Variants in CSMD3 observed in about 807,000 individuals in gnomAD.
The protein encoded by CSMD3 is CUB and sushi domain-containing protein 3.
In CSMD3, 177 loss-of-function variants were observed where a neutral mutation model predicts 435.2. The ratio of observed to expected loss-of-function variants is 0.41; its 90% CI spans 0.36 to 0.46. CSMD3 has a LOEUF of 0.46. Ranked by LOEUF, CSMD3 falls within the 20% of genes least tolerant of loss-of-function variation. The pLI, the probability that CSMD3 is intolerant of heterozygous loss-of-function variation, is 0.34. For synonymous variants in CSMD3, 1,656 were observed against 1,520.5 expected (o/e 1.09, Z -2.07); for missense variants, 4,265 against 4,504.6 (o/e 0.95, Z 1.52).
intron 36 of CSMD3, 42 bp from the exon 37 acceptor site, chr8:112,383,705 C>T (rs2131256347): frequency 8.5e-7 from 1 of 1,173,516 alleles, no homozygotes; most frequent in Non-Finnish European, 1.3e-6. Context: ...CATTTCTAAC[C>T]AGATACACAT....
At chr8:112,701,320 T>C (rs1447201433) in intron 13 of CSMD3, among the ~76,000 whole-genome samples, 1 of 152,146 alleles carries the variant, frequency 6.6e-6, no homozygotes, top group African/African-American at 2.4e-5. Flanking sequence ...ACTATAATCA[T>C]TTTAACTCAT....
intron 11 of CSMD3, among the ~76,000 whole-genome samples, chr8:112,857,856 C>A (rs1277036741): frequency 6.6e-6 from 1 of 151,204 alleles, no homozygotes. Context: ...TCCTCAACAA[C>A]CAATAATTTG....
At chr8:113,021,600 G>T (rs190806255) in intron 5 of CSMD3, among the ~76,000 whole-genome samples, 32 of 152,120 alleles carry the variant, frequency 2.1e-4, no homozygotes, top group African/African-American at 7.7e-4. Context: ...GCTCCACAAG[G>T]ACATTAAGAA....
intron 5 of CSMD3, among the ~76,000 whole-genome samples, chr8:113,090,483 A>T (rs1046900582): frequency 6.6e-6 from 1 of 152,200 alleles, no homozygotes; most frequent in Non-Finnish European, 1.5e-5. Flanking sequence ...AGAAAATTGT[A>T]GGTTCTCTGT....
chr8:112,433,654 CA>C (rs35572894), intron 32 of CSMD3, among the ~76,000 whole-genome samples: 5,311 of 93,010 alleles, frequency 0.057, 95 homozygotes, highest in African/African-American at 0.12. Context: ...GAGAACCTGT[CA>C]AAAAAAAAAA....
chr8:112,497,150 A>G (rs1055316756), intron 30 of CSMD3, among the ~76,000 whole-genome samples: 1 of 152,020 alleles, frequency 6.6e-6, no homozygotes, highest in Non-Finnish European at 1.5e-5. Flanking sequence ...TTTGTGGGAG[A>G]TAAAAATTGA....
At chr8:112,249,412 T>C (rs1224920167) in intron 63 of CSMD3, among the ~76,000 whole-genome samples, 3 of 152,114 alleles carry the variant, frequency 2.0e-5, no homozygotes, top group Admixed American at 1.3e-4. Flanking sequence ...GGATCTGGGG[T>C]AGGTCCATGA....
At chr8:112,546,586 C>G (rs138122164) in intron 27 of CSMD3, among the ~76,000 whole-genome samples, 1 of 152,216 alleles carries the variant, frequency 6.6e-6, no homozygotes, top group Admixed American at 6.5e-5. Flanking sequence ...ATAGAAAATG[C>G]TCTGTCAGAA....
At chr8:112,337,775 A>C in intron 42 of CSMD3, 44 bp from the exon 43 acceptor site, 1 of 1,500,160 alleles carries the variant, frequency 6.7e-7, no homozygotes, top group Non-Finnish European at 9.2e-7. Flanking sequence ...TCCAAATTTC[A>C]GAGGCCACAG....
intron 12 of CSMD3, among the ~76,000 whole-genome samples, chr8:112,824,760 G>A (rs1338886507): frequency 6.6e-6 from 1 of 152,002 alleles, no homozygotes; most frequent in African/African-American, 2.4e-5. Flanking sequence ...TTCAGCCTTG[G>A]GGAATCTGAT....
chr8:112,934,352 T>A (rs1460121755), intron 9 of CSMD3, among the ~76,000 whole-genome samples: 1 of 152,168 alleles, frequency 6.6e-6, no homozygotes, highest in Non-Finnish European at 1.5e-5. Context: ...TCCCAAAGTA[T>A]GTTGAGCTTT....
At chr8:112,368,600 TACC>T (rs1251786315) in intron 38 of CSMD3, among the ~76,000 whole-genome samples, 14 of 152,206 alleles carry the variant, frequency 9.2e-5, no homozygotes, top group Non-Finnish European at 2.1e-4. Context: ...CTAGAAAATG[TACC>T]TTGCATTTAA....
intron 3 of CSMD3, among the ~76,000 whole-genome samples, chr8:113,237,197 A>C (rs2093160464): frequency 6.6e-6 from 1 of 152,192 alleles, no homozygotes; most frequent in South Asian, 2.1e-4. Flanking sequence ...AAGGATGCCT[A>C]AATGAAAATG....
intron 22 of CSMD3, among the ~76,000 whole-genome samples, chr8:112,636,320 T>C (rs186545090): frequency 2.2e-4 from 33 of 152,240 alleles, no homozygotes; most frequent in African/African-American, 7.0e-4. Context: ...CTTAAATTAG[T>C]TACCTATTCT....
At chr8:112,984,278 T>C (rs1362185016) in intron 6 of CSMD3, among the ~76,000 whole-genome samples, 1 of 151,964 alleles carries the variant, frequency 6.6e-6, no homozygotes, top group African/African-American at 2.4e-5. Context: ...ACCTTTCATT[T>C]AGAGAATATA....
intron 17 of CSMD3, among the ~76,000 whole-genome samples, chr8:112,658,887 G>A (rs111330758): frequency 1.1e-3 from 170 of 152,182 alleles, no homozygotes; most frequent in African/African-American, 3.9e-3. Context: ...CCTGGGAGGC[G>A]GAGGTTGCAG....
At chr8:112,366,331 A>T (rs1827778604) in intron 38 of CSMD3, among the ~76,000 whole-genome samples, 1 of 152,166 alleles carries the variant, frequency 6.6e-6, no homozygotes, top group Non-Finnish European at 1.5e-5. Flanking sequence ...GCTCCTGCTC[A>T]TTCCTCTCAT....
intron 64 of CSMD3, 104 bp downstream of exon 64, chr8:112,246,916 C>A (rs942109512): frequency 1.2e-5 from 10 of 818,656 alleles, no homozygotes; most frequent in Non-Finnish European, 1.7e-5. Context: ...ATCTAAAAGT[C>A]AATTTGATAC....
intron 3 of CSMD3, among the ~76,000 whole-genome samples, chr8:113,248,467 T>TATATATACATATACATA (rs1563602328): frequency 4.0e-4 from 53 of 131,312 alleles, no homozygotes; most frequent in African/African-American, 1.6e-3. Flanking sequence ...TGTGTGTGTG[T>TATATATACATATACATA]GATATATATG....
Sources: allele counts gnomAD v4.1 joint callset (sites outside exome capture counted in the v4.1 genomes callset), GRCh38; gene constraint gnomAD v4.1.1; transcripts MANE v1.5; gene names NCBI Gene and HGNC (gene_info 2026-07-23, HGNC 2026-07-21).